TACR2: variants seen among roughly 807,000 people sequenced by gnomAD.
The protein encoded by TACR2 is substance-K receptor.
TACR2 carries 24 observed loss-of-function variants against 28.9 expected under a neutral mutation model. The ratio of observed to expected loss-of-function variants is 0.83; its 90% CI spans 0.60 to 1.17. TACR2 has a LOEUF of 1.17. Ranked by LOEUF, TACR2 falls within the 50% of genes most tolerant of loss-of-function variation. The pLI, the probability that TACR2 is intolerant of heterozygous loss-of-function variation, is 0.00. For synonymous variants in TACR2, 222 were observed against 212.6 expected, an observed-to-expected ratio of 1.04 and a Z score of -0.38; for missense variants, 487 against 524.4, an observed-to-expected ratio of 0.93 and a Z score of 0.70.
chr10:69,414,737 G>A (rs893833202), intron 2 of TACR2, among the ~76,000 whole-genome samples: 3 of 152,160 alleles, frequency 2.0e-5, no homozygotes, highest in African/African-American at 7.2e-5. Flanking sequence ...TATATGTAAA[G>A]TGTGAAAAAC....
intron 2 of TACR2, 104 bp from the exon 3 acceptor site, chr10:69,409,179 G>T: frequency 1.6e-6 from 2 of 1,251,936 alleles, no homozygotes; most frequent in Non-Finnish European, 2.1e-6. Flanking sequence ...AGCCGCCCCT[G>T]CGGGCCCACC....
At chr10:69,406,736 C>A (rs1380762006) in intron 4 of TACR2, among the ~76,000 whole-genome samples, 1 of 152,222 alleles carries the variant, frequency 6.6e-6, no homozygotes, top group Non-Finnish European at 1.5e-5. Flanking sequence ...TGTCCCACCC[C>A]CTCTCTGTGA....
At chr10:69,410,772 A>G (rs1840563820) in intron 2 of TACR2, among the ~76,000 whole-genome samples, 1 of 152,026 alleles carries the variant, frequency 6.6e-6, no homozygotes, top group Non-Finnish European at 1.5e-5. Context: ...GAACATGTCA[A>G]CCTTGATGTT....
chr10:69,410,607 A>C (rs1564581413), intron 2 of TACR2, among the ~76,000 whole-genome samples: 1 of 151,716 alleles, frequency 6.6e-6, no homozygotes, highest in Non-Finnish European at 1.5e-5. Context: ...GATGAGCTGC[A>C]GGCTGGGGAC....
At chr10:69,405,545 C>T (rs1840494702) in intron 4 of TACR2, among the ~76,000 whole-genome samples, 1 of 152,216 alleles carries the variant, frequency 6.6e-6, no homozygotes, top group South Asian at 2.1e-4. Context: ...AAAACCCACA[C>T]TCGGAGCCAC....
chr10:69,406,933 T>A, intron 4 of TACR2, 151 bp downstream of exon 4: 2 of 730,224 alleles, frequency 2.7e-6, no homozygotes, highest in Non-Finnish European at 4.5e-6. Flanking sequence ...GGGGGCTGAG[T>A]GTGAGGACGG....
intron 2 of TACR2, among the ~76,000 whole-genome samples, chr10:69,414,723 T>G (rs1840596905): frequency 6.6e-6 from 1 of 152,138 alleles, no homozygotes; most frequent in Non-Finnish European, 1.5e-5. Flanking sequence ...ATTAAATGGG[T>G]CAATATATGT....
rs371381811 is a variant in TACR2, at chr10:69,409,027, C to A, written c.636G>T (p.Val212=). ...CGATGACGCTGTAGGCTACAAACAT[C>A]ACCGCGAGCGGCAGGAAGTAGATGA... ...IALIYFLPLA[V]MFVAYSVIGL... The change falls in exon 3 of 5, where the codon GTG becomes GTT. Residue 212 remains valine, a synonymous_variant. Transcript: ENST00000373306. 1.2e-6 allele frequency: 2 copies of A among 1,607,966 alleles called. No individual in the cohort carries two copies. The highest frequency in any genetic ancestry group is 1.7e-5 in the Admixed American group (1 of 58,746).
At chr10:69,408,677 C>T (rs1053708412) in intron 3 of TACR2, among the ~76,000 whole-genome samples, 5 of 152,210 alleles carry the variant, frequency 3.3e-5, no homozygotes, top group Non-Finnish European at 7.3e-5. Flanking sequence ...CGCGGTCAGG[C>T]TCTGGCCCCA....
At chr10:69,411,198 C>T (rs1434181035) in intron 2 of TACR2, among the ~76,000 whole-genome samples, 2 of 152,176 alleles carry the variant, frequency 1.3e-5, no homozygotes, top group Non-Finnish European at 2.9e-5. Context: ...CTTGCTGCGC[C>T]CCTTTCTAGA....
rs1247031404 is a variant in TACR2 at position 69,404,153 on chromosome 10, G to A, written c.*673C>T. On this transcript the variant is annotated 3_prime_UTR_variant, in exon 5 of 5. Transcript: ENST00000373306. Reference sequence around the variant, plus strand: ...ACATATTCTTGTATGCCCCAGGAAGGCATTTGAGCTTGCATCTCTTAAATT... The same window carrying A: ...ACATATTCTTGTATGCCCCAGGAAGACATTTGAGCTTGCATCTCTTAAATT... The A allele has an allele frequency of 6.6e-6, 1 of 152,186 alleles. No homozygotes were observed. Among genetic ancestry groups the A allele is most frequent in the African/African-American group, 2.4e-5 (1 of 41,434 alleles). 9.4% of individuals were successfully genotyped at this position (152,186 alleles called of 1,614,324 possible). A position where few individuals can be genotyped will look rare whatever the true frequency, so the allele number is the denominator to read the frequency against.
Position 69,416,680 on chromosome 10 carries a change from G to A in TACR2, c.-357C>T, listed in dbSNP as rs1840623009. The A allele has an allele frequency of 9.8e-6, 2 of 204,122 alleles. No individual in the cohort carries two copies. Among genetic ancestry groups the A allele is most frequent in the Non-Finnish European group, 2.0e-5 (2 of 101,270 alleles). 12.6% of individuals were successfully genotyped at this position (204,122 alleles called of 1,614,324 possible). The stretch of plus-strand genomic sequence containing the variant: ...GAAGACAGAGATTCCAAGAGGGGAC[G>A]GGACCAGCCCAGGTCACTCAGGAAG... On this transcript the variant is annotated 5_prime_UTR_variant, in exon 1 of 5. Coordinates refer to ENST00000373306, the MANE Select transcript of TACR2 (RefSeq NM_001057.3).
chr10:69,414,926 A>AATCCC lies in TACR2; in HGVS notation c.587+14_587+18dup. ...ACACACACACACTGTTGCCCTCCAC[A>AATCCC]ATCCCCCAGAGGCCTTACAGGAGGA... On this transcript the variant is annotated intron_variant, in intron 2 of 4. Transcript: ENST00000373306. 6.3e-7 allele frequency: 1 copy of AATCCC among 1,597,716 alleles called. No homozygotes were observed. The highest frequency in any genetic ancestry group is 8.6e-7 in the Non-Finnish European group (1 of 1,168,956).
chr10:69,407,008 G>T, intron 4 of TACR2, 76 bp downstream of exon 4: 2 of 1,458,526 alleles, frequency 1.4e-6, no homozygotes, highest in Non-Finnish European at 1.9e-6. Flanking sequence ...GGATGCTTGA[G>T]CTGTGCAGGG....
chr10:69,416,251 C>T lies in TACR2; in HGVS notation c.73G>A (p.Ala25Thr). ...AGTTGCCAGCTGGGCATGGAGAAGG[C>T]TGTGATGCCCGTGGTGTTGCTCTCA... Reference protein sequence around the residue: ...GPESNTTGITAFSMPSWQLAL... With the variant: ...GPESNTTGITTFSMPSWQLAL... Residue 25 changes from alanine (A) to threonine (T), a missense_variant, in exon 1 of 5, where the codon GCC (alanine) becomes ACC (threonine). By Grantham distance (58) the Ala-to-Thr change is moderately conservative. Coordinates refer to ENST00000373306, the MANE Select transcript of TACR2 (RefSeq NM_001057.3). 3 of 1,613,634 alleles carry T rather than the reference C, an allele frequency of 1.9e-6. No individual in the cohort carries two copies. The highest frequency in any genetic ancestry group is 2.5e-6 in the Non-Finnish European group (3 of 1,179,688).
chr10:69,407,249 G>A lies in TACR2; in HGVS notation c.773C>T (p.Thr258Met), dbSNP rs762283817. 4 of 1,613,580 alleles carry A rather than the reference G, an allele frequency of 2.5e-6. No individual in the cohort carries two copies. The highest frequency in any genetic ancestry group is 3.4e-6 in the Non-Finnish European group (4 of 1,179,712). ...GTAGGGCAGCCAGCAGATGGCAAAC[G>A]TCAGCACCACCAGCACCATGGTCTT... ...FVKTMVLVVLTFAICWLPYHL... is the reference protein window; with the variant it reads ...FVKTMVLVVLMFAICWLPYHL... Residue 258 changes from threonine (T) to methionine (M), a missense_variant, in exon 4 of 5, where the codon ACG becomes ATG. By Grantham distance (81) the Thr-to-Met change is moderately conservative. Coordinates refer to ENST00000373306, the MANE Select transcript of TACR2 (RefSeq NM_001057.3).
chr10:69,416,570 G>C lies in TACR2; in HGVS notation c.-247C>G. 1 of 451,320 alleles carries C rather than the reference G, an allele frequency of 2.2e-6. No homozygotes were observed. The highest frequency in any genetic ancestry group is 3.9e-6 in the Non-Finnish European group (1 of 258,200). 28.0% of individuals were successfully genotyped at this position (451,320 alleles called of 1,614,324 possible). On this transcript the variant is annotated 5_prime_UTR_variant, in exon 1 of 5. Coordinates refer to ENST00000373306, the MANE Select transcript of TACR2 (RefSeq NM_001057.3). ...TTCCATCCTTCCGGCCAGACTTCTCGAATATCATGTGGAAACACAGAATTC... is the reference window on the plus strand; with the variant it reads ...TTCCATCCTTCCGGCCAGACTTCTCCAATATCATGTGGAAACACAGAATTC...
At chr10:69,409,221 A>G (rs994722487) in intron 2 of TACR2, 146 bp from the exon 3 acceptor site, 2 of 841,318 alleles carry the variant, frequency 2.4e-6, no homozygotes, top group Non-Finnish European at 3.4e-6. Context: ...GGTTTGATTT[A>G]AACAAAAATA....
Position 69,404,875 on chromosome 10 carries a change from C to T in TACR2, c.1148G>A (p.Trp383Ter), listed in dbSNP as rs1840486773. 7 of 1,607,660 alleles carry T rather than the reference C, an allele frequency of 4.4e-6. No individual in the cohort carries two copies. Among genetic ancestry groups the T allele is most frequent in the Non-Finnish European group, 6.0e-6 (7 of 1,176,116 alleles). Reference sequence around the variant, plus strand: ...GGGGGCAAGCAAACCATACCCAAACCATAGCCCTGATCCATCCTGGGGACG... The same window carrying T: ...GGGGGCAAGCAAACCATACCCAAACTATAGCCCTGATCCATCCTGGGGACG... ...AGRPQDGSGL[W>*]FGYGLLAPTK... Residue 383 changes from tryptophan to a stop codon, truncating the protein, a stop_gained, in exon 5 of 5, where the codon TGG becomes TAG. Coordinates refer to ENST00000373306, the MANE Select transcript of TACR2 (RefSeq NM_001057.3). LOFTEE classifies it high-confidence loss of function.
Sources: gnomAD v4.1 joint callset for allele counts (sites outside exome capture counted in the v4.1 genomes callset) on GRCh38, gnomAD v4.1.1 for gene constraint, MANE v1.5 for transcripts, NCBI Gene and HGNC (gene_info 2026-07-23, HGNC 2026-07-21) for gene names.